The following PPP2R2D variants were observed in gnomAD, a reference collection of about 807,000 sequenced individuals.
PPP2R2D encodes the protein serine/threonine-protein phosphatase 2A 55 kDa regulatory subunit B delta isoform.
A neutral mutation model predicts 31.1 loss-of-function variants in PPP2R2D; 9 were observed. That is an observed-to-expected ratio of 0.29 (90% CI 0.17 to 0.51). PPP2R2D has a LOEUF of 0.51. Among genes scored for constraint, PPP2R2D ranks in the 20% least tolerant of loss-of-function variants. PPP2R2D has a pLI of 0.98. For missense variants in PPP2R2D, 391 were observed against 465.6 expected (o/e 0.84, Z 1.48); for synonymous variants, 179 against 172.6 (o/e 1.04, Z -0.29).
chr10:131,922,697 C>T (rs1373664161), intron 2 of PPP2R2D, among the ~76,000 whole-genome samples: 5 of 152,170 alleles, frequency 3.3e-5, no homozygotes, highest in Non-Finnish European at 7.4e-5. Context: ...CCGCCTGCCT[C>T]GGCCTCTCAA....
chr10:131,963,432 G>A (rs1329816505), downstream of PPP2R2D, among the ~76,000 whole-genome samples: 2 of 152,242 alleles, frequency 1.3e-5, no homozygotes, highest in African/African-American at 4.8e-5. Context: ...TGTTTCTTGG[G>A]GGGTTACTTC....
intron 2 of PPP2R2D, among the ~76,000 whole-genome samples, chr10:131,929,192 G>A (rs940320398): frequency 5.3e-5 from 8 of 152,190 alleles, no homozygotes; most frequent in South Asian, 2.1e-4. Flanking sequence ...CCGCAGAGTG[G>A]CCCTGCTCAG....
the PPP2R2D span, chr10:131,967,679 A>G: frequency 6.5e-6 from 1 of 152,800 alleles, no homozygotes; most frequent in South Asian, 2.1e-4. Flanking sequence ...ATGTAAATAC[A>G]GTAATCTGAA....
chr10:131,905,728 C>T (rs1485467974), intron 2 of PPP2R2D, among the ~76,000 whole-genome samples: 16 of 152,160 alleles, frequency 1.1e-4, no homozygotes, highest in African/African-American at 2.7e-4. Flanking sequence ...GGTCACAAAG[C>T]GAGTGTATGG....
intron 2 of PPP2R2D, 37 bp downstream of exon 2, chr10:131,901,367 C>T (rs1281531742): frequency 5.7e-6 from 2 of 350,846 alleles, no homozygotes; most frequent in Non-Finnish European, 1.0e-5. Flanking sequence ...GGGACCCTCG[C>T]GGACAGCTCC....
At chr10:131,963,575 G>A (rs547627993), downstream of PPP2R2D, among the ~76,000 whole-genome samples, 402 of 152,330 alleles carry the variant, frequency 2.6e-3, 2 homozygotes, top group African/African-American at 9.5e-3. Context: ...CACACCGTCC[G>A]TGGAGCCTCA....
At position 131,940,078 on chromosome 10, in the gene PPP2R2D, C is replaced by G. The variant is rs2036415476; in HGVS notation, c.246C>G (p.Thr82=). ...HSRGEYNVYS[T]FQSHEPEFDY... ...GGGGAGAATATAATGTTTACAGCACCTTTCAAAGTCATGAACCGGAGTTTG... is the reference window on the plus strand; with the variant it reads ...GGGGAGAATATAATGTTTACAGCACGTTTCAAAGTCATGAACCGGAGTTTG... The change falls in exon 4 of 9, where the codon ACC becomes ACG. Residue 82 remains threonine (T), a synonymous_variant. Coordinates refer to ENST00000455566, the MANE Select transcript of PPP2R2D (RefSeq NM_018461.5). 2 of 776,842 alleles carry G rather than the reference C, an allele frequency of 2.6e-6. No individual in the cohort carries two copies. The highest frequency in any genetic ancestry group is 2.4e-6 in the Non-Finnish European group (1 of 416,858). The allele number at this position is 776,842 out of a possible 1,614,324, so 48.1% of individuals were successfully genotyped here. A position where few individuals can be genotyped will look rare whatever the true frequency, so the allele number is the denominator to read the frequency against.
intron 3 of PPP2R2D, among the ~76,000 whole-genome samples, chr10:131,936,955 C>G (rs1554896594): frequency 1.3e-5 from 2 of 152,240 alleles, no homozygotes; most frequent in Non-Finnish European, 2.9e-5. Context: ...GGCGGCAGTG[C>G]ACGTGTTCAT....
rs553062970 is a variant in PPP2R2D, at chr10:131,956,397, C to T, written c.*434C>T. ...GGTGTGGCCACCGTCCGTGTCCTCT[C>T]GGCCTTCCTCCGAGTCCAGGTGGAC... On this transcript the variant is annotated 3_prime_UTR_variant, in exon 9 of 9. Transcript: ENST00000455566. 3.9e-5 allele frequency: 38 copies of T among 986,166 alleles called. No homozygotes were observed. The African/African-American group carries it at 5.7e-4, about 15-fold the overall frequency. 61.1% of individuals were successfully genotyped at this position (986,166 alleles called of 1,614,324 possible). A position where few individuals can be genotyped will look rare whatever the true frequency, so the allele number is the denominator to read the frequency against.
At chr10:131,921,772 C>T (rs530352429) in intron 2 of PPP2R2D, among the ~76,000 whole-genome samples, 23 of 152,246 alleles carry the variant, frequency 1.5e-4, no homozygotes, top group Middle Eastern at 3.4e-3. Flanking sequence ...TGTGTCAGAG[C>T]CCCTGGCCTG....
At chr10:131,950,075 A>G (rs1414616156) in intron 8 of PPP2R2D, among the ~76,000 whole-genome samples, 2 of 152,174 alleles carry the variant, frequency 1.3e-5, no homozygotes, top group Non-Finnish European at 2.9e-5. Context: ...TAGAAATGAC[A>G]AGTATGACAG....
intron 2 of PPP2R2D, among the ~76,000 whole-genome samples, chr10:131,923,393 C>A (rs1280313605): frequency 2.0e-5 from 3 of 152,204 alleles, no homozygotes; most frequent in Non-Finnish European, 4.4e-5. Flanking sequence ...TTGGCTCTTT[C>A]AAATGCACCT....
At chr10:131,949,378 G>T (rs1178115089) in intron 8 of PPP2R2D, among the ~76,000 whole-genome samples, 1 of 152,236 alleles carries the variant, frequency 6.6e-6, no homozygotes, top group Non-Finnish European at 1.5e-5. Context: ...AGTGGCCCAG[G>T]TGGAGAGAAT....
rs114104331 is a variant in PPP2R2D, at chr10:131,939,844, G to A, written c.199-187G>A. The A allele has an allele frequency of 5.0e-3, 1,835 of 364,664 alleles. 26 individuals are homozygous for A. The highest frequency in any genetic ancestry group is 0.035 in the African/African-American group (1,663 of 47,574). 22.6% of individuals were successfully genotyped at this position (364,664 alleles called of 1,614,324 possible). ...CAGATGCATACCTAGAAGTGGAGTC[G>A]AAGAGTCGGAAATCAAGTTCGTTCT... On this transcript the variant is annotated intron_variant, in intron 3 of 8. Coordinates refer to ENST00000455566, the MANE Select transcript of PPP2R2D (RefSeq NM_018461.5).
At chr10:131,950,561 G>A (rs782745983) in intron 8 of PPP2R2D, among the ~76,000 whole-genome samples, 3 of 152,074 alleles carry the variant, frequency 2.0e-5, no homozygotes, top group African/African-American at 7.2e-5. Context: ...GTAGATGCTC[G>A]TTCAAGAATC....
chr10:131,901,261 G>C lies in PPP2R2D; in HGVS notation c.31G>C (p.Ala11Pro), dbSNP rs2035488580. Residue 11 changes from alanine to proline, a missense_variant, in exon 2 of 9, where the codon GCG becomes CCG. This residue lies in a region of PPP2R2D where 105 missense variants were observed against 98.5 expected (regional missense o/e 1.07). Coordinates refer to ENST00000455566, the MANE Select transcript of PPP2R2D (RefSeq NM_018461.5). The part of the protein sequence containing the change: MAGAGGGGCP[A>P]GGNDFQWCFS... Reference sequence around the variant, plus strand: ...AGGAGCCGGAGGCGGCGGCTGCCCCGCGGGCGGCAACGACTTCCAGTGGTG... The same window carrying C: ...AGGAGCCGGAGGCGGCGGCTGCCCCCCGGGCGGCAACGACTTCCAGTGGTG... 2.8e-6 allele frequency: 1 copy of C among 358,526 alleles called. No homozygotes were observed. Among genetic ancestry groups the C allele is most frequent in the African/African-American group, 2.1e-5 (1 of 46,710 alleles). The allele number at this position is 358,526 out of a possible 1,614,324, so 22.2% of individuals were successfully genotyped here. A position where few individuals can be genotyped will look rare whatever the true frequency, so the allele number is the denominator to read the frequency against.
intron 2 of PPP2R2D, among the ~76,000 whole-genome samples, chr10:131,931,105 C>T (rs1436009166): frequency 6.6e-6 from 1 of 152,308 alleles, no homozygotes; most frequent in East Asian, 1.9e-4. Context: ...CAGGGTCCCA[C>T]GTCCAGCATC....
intron 2 of PPP2R2D, among the ~76,000 whole-genome samples, chr10:131,903,358 C>T (rs1200595222): frequency 6.7e-6 from 1 of 149,950 alleles, no homozygotes; most frequent in African/African-American, 2.5e-5. Context: ...TCCCAGCTAC[C>T]TGGGAGGCTG....
intron 2 of PPP2R2D, among the ~76,000 whole-genome samples, chr10:131,913,473 A>G (rs2035717329): frequency 6.6e-6 from 1 of 151,914 alleles, no homozygotes; most frequent in African/African-American, 2.4e-5. Flanking sequence ...CTTTGACTAG[A>G]TTTTTTGTAT....
Sources: allele counts gnomAD v4.1 joint callset (sites outside exome capture counted in the v4.1 genomes callset), GRCh38; gene constraint gnomAD v4.1.1; regional missense constraint gnomAD v4.1.1; transcripts MANE v1.5; gene names NCBI Gene and HGNC (gene_info 2026-07-23, HGNC 2026-07-21).